B3GALT1: variants seen among roughly 807,000 people sequenced by gnomAD.
The protein encoded by B3GALT1 is UDP-Gal:betaGlcNAc beta 1,3-galactosyltransferase, polypeptide 1.
Under a neutral mutation model 23.2 loss-of-function variants are expected in B3GALT1, and 10 were observed. The observed-to-expected ratio is 0.43, with a 90% CI of 0.27 to 0.73. The LOEUF (loss-of-function observed/expected upper bound fraction) is 0.73. Among genes scored for constraint, B3GALT1 ranks in the 30% least tolerant of loss-of-function variants. The pLI is 0.21. For missense variants in B3GALT1, 299 were observed against 405.4 expected (o/e 0.74, Z 2.25); for synonymous variants, 156 against 141.5 (o/e 1.10, Z -0.73).
intron 2 of B3GALT1, among the ~76,000 whole-genome samples, chr2:167,582,018 G>T (rs1463848796): frequency 6.6e-6 from 1 of 152,174 alleles, no homozygotes; most frequent in Non-Finnish European, 1.5e-5. Context: ...CAGAGTGACA[G>T]CACTAAGATA....
chr2:167,394,533 G>T (rs903500775), intron 1 of B3GALT1, among the ~76,000 whole-genome samples: 1 of 151,732 alleles, frequency 6.6e-6, no homozygotes, highest in Non-Finnish European at 1.5e-5. Context: ...CTAATAAAGG[G>T]TTGTTTTTTT....
chr2:167,430,785 T>C (rs1191558645), intron 1 of B3GALT1, among the ~76,000 whole-genome samples: 1 of 152,116 alleles, frequency 6.6e-6, no homozygotes, highest in African/African-American at 2.4e-5. Flanking sequence ...TTATCATCAT[T>C]ATTATCAGTA....
chr2:167,445,900 G>T (rs528450743), intron 1 of B3GALT1, among the ~76,000 whole-genome samples: 83 of 152,284 alleles, frequency 5.5e-4, no homozygotes, highest in African/African-American at 2.0e-3. Context: ...ATTTGATCCT[G>T]TCATTATGAT....
chr2:167,815,644 G>A (rs1438892107), intron 3 of B3GALT1, among the ~76,000 whole-genome samples: 2 of 152,008 alleles, frequency 1.3e-5, no homozygotes, highest in Admixed American at 6.6e-5. Context: ...CTCATAAGTC[G>A]GTATACAGAA....
intron 3 of B3GALT1, among the ~76,000 whole-genome samples, chr2:167,771,068 T>C (rs1336297895): frequency 6.6e-6 from 1 of 152,212 alleles, no homozygotes; most frequent in Non-Finnish European, 1.5e-5. Flanking sequence ...TACAGCTCCG[T>C]GTCCTGCTGG....
intron 1 of B3GALT1, among the ~76,000 whole-genome samples, chr2:167,444,534 T>A (rs1192263842): frequency 6.6e-6 from 1 of 152,334 alleles, no homozygotes; most frequent in East Asian, 1.9e-4. Flanking sequence ...AATTATTGCC[T>A]CAATTTCAGA....
At chr2:167,351,123 G>T (rs545284905) in intron 1 of B3GALT1, among the ~76,000 whole-genome samples, 11 of 152,158 alleles carry the variant, frequency 7.2e-5, no homozygotes, top group Non-Finnish European at 4.4e-5. Flanking sequence ...ATAAAACTTA[G>T]CTGGGCATGG....
At chr2:167,450,867 T>C (rs1278849483) in intron 1 of B3GALT1, among the ~76,000 whole-genome samples, 1 of 152,146 alleles carries the variant, frequency 6.6e-6, no homozygotes, top group Middle Eastern at 3.2e-3. Context: ...AATCCCAAGC[T>C]TTTTGGAGGC....
intron 1 of B3GALT1, among the ~76,000 whole-genome samples, chr2:167,431,551 A>T (rs1698704390): frequency 6.6e-6 from 1 of 152,228 alleles, no homozygotes; most frequent in African/African-American, 2.4e-5. Context: ...TTAGAATATT[A>T]GTCCTTAATT....
At chr2:167,550,088 C>G (rs965807294) in intron 2 of B3GALT1, among the ~76,000 whole-genome samples, 5 of 152,140 alleles carry the variant, frequency 3.3e-5, no homozygotes, top group African/African-American at 1.2e-4. Context: ...ATCACTAACT[C>G]TACGTTAACC....
At chr2:167,339,622 G>A (rs776587935) in intron 1 of B3GALT1, among the ~76,000 whole-genome samples, 5 of 152,032 alleles carry the variant, frequency 3.3e-5, no homozygotes, top group Non-Finnish European at 5.9e-5. Context: ...TGTTTGACAC[G>A]TTAATCTCTA....
At chr2:167,662,171 T>G (rs1686071407) in intron 3 of B3GALT1, among the ~76,000 whole-genome samples, 1 of 152,074 alleles carries the variant, frequency 6.6e-6, no homozygotes. Flanking sequence ...AATATTGTTA[T>G]AATAACATTA....
chr2:167,736,355 C>G (rs560169480), intron 3 of B3GALT1, among the ~76,000 whole-genome samples: 1 of 152,286 alleles, frequency 6.6e-6, no homozygotes, highest in East Asian at 1.9e-4. Flanking sequence ...AAAGATAATT[C>G]AGCATGTCTG....
chr2:167,440,805 A>G lies in B3GALT1; in HGVS notation c.-510-49372A>G, dbSNP rs6750364. Among the ~76,000 whole-genome samples the G allele has an allele frequency of 6.2e-3, 938 of 151,874 alleles. 12 individuals are homozygous for G. Among genetic ancestry groups the G allele is most frequent in the African/African-American group, 0.022 (897 of 41,428 alleles). ...GTTTTTTAAGTAAGTTTTCCTTTAC[A>G]TTGTGTTCTAAGATAATTTCTTGTT... is the stretch of plus-strand genomic sequence containing the variant. On this transcript the variant is annotated intron_variant, in intron 1 of 4. Coordinates refer to ENST00000392690, the MANE Select transcript of B3GALT1 (RefSeq NM_020981.4).
intron 2 of B3GALT1, among the ~76,000 whole-genome samples, chr2:167,564,052 C>T (rs1238728286): frequency 1.3e-5 from 2 of 150,966 alleles, no homozygotes; most frequent in African/African-American, 2.4e-5. Context: ...AGGAGACGCT[C>T]CTCACTTCCC....
chr2:167,418,200 C>CACTG (rs1698496881), intron 1 of B3GALT1, among the ~76,000 whole-genome samples: 1 of 152,120 alleles, frequency 6.6e-6, no homozygotes, highest in Admixed American at 6.5e-5. Flanking sequence ...GTTACAGATC[C>CACTG]CAGTCCCTGT....
chr2:167,535,515 C>T (rs1683400497), intron 2 of B3GALT1, among the ~76,000 whole-genome samples: 1 of 151,902 alleles, frequency 6.6e-6, no homozygotes, highest in Non-Finnish European at 1.5e-5. Context: ...CAGTATTATA[C>T]TGGCATGCCT....
chr2:167,394,193 A>G (rs2105284767), intron 1 of B3GALT1, among the ~76,000 whole-genome samples: 1 of 152,302 alleles, frequency 6.6e-6, no homozygotes, highest in South Asian at 2.1e-4. Context: ...AAGTTCTATA[A>G]AACACAAATT....
intron 2 of B3GALT1, among the ~76,000 whole-genome samples, chr2:167,631,769 C>CTTTTTTTTTTTTTTTTTTTTTTTTTT (rs558837779): frequency 1.7e-5 from 2 of 120,594 alleles, no homozygotes; most frequent in Admixed American, 8.8e-5. Context: ...CTTTTCTTTT[C>CTTTTTTTTTTTTTTTTTTTTTTTTTT]TTTTTTTTTT....
Sources: allele counts gnomAD v4.1 joint callset (sites outside exome capture counted in the v4.1 genomes callset), GRCh38; gene constraint gnomAD v4.1.1; transcripts MANE v1.5; gene names NCBI Gene and HGNC (gene_info 2026-07-23, HGNC 2026-07-21).